GPR137B: variants seen among roughly 807,000 people sequenced by gnomAD.
GPR137B encodes the protein integral membrane protein GPR137B.
GPR137B carries 42 observed loss-of-function variants against 42.5 expected under a neutral mutation model. The observed-to-expected ratio is 0.99, with a 90% CI of 0.77 to 1.28. The LOEUF is 1.28. Ranked by LOEUF, GPR137B falls within the 50% of genes most tolerant of loss-of-function variation. GPR137B has a pLI of 0.00. For missense variants in GPR137B, 487 were observed against 493.9 expected, an observed-to-expected ratio of 0.99 and a Z score of 0.13; for synonymous variants, 218 against 209.7, an observed-to-expected ratio of 1.04 and a Z score of -0.34.
At chr1:236,201,691 G>A (rs1300264481) in intron 5 of GPR137B, among the ~76,000 whole-genome samples, 1 of 151,938 alleles carries the variant, frequency 6.6e-6, no homozygotes, top group Non-Finnish European at 1.5e-5. Flanking sequence ...ACTTAAGTTG[G>A]TTTTCACCTT....
intron 5 of GPR137B, among the ~76,000 whole-genome samples, chr1:236,191,089 G>A (rs541734076): frequency 7.9e-5 from 12 of 152,034 alleles, no homozygotes; most frequent in African/African-American, 2.7e-4. Flanking sequence ...GTATCATTAA[G>A]TTGATCTTCA....
In GPR137B at chr1:236,142,953, C is replaced by T; in HGVS notation, c.331C>T (p.Pro111Ser). 6.2e-7 allele frequency: 1 copy of T among 1,614,166 alleles called. No individual in the cohort carries two copies. The highest frequency in any genetic ancestry group is 8.5e-7 in the Non-Finnish European group (1 of 1,179,980). Residue 111 changes from proline to serine, a missense_variant, in exon 1 of 7, where the codon CCC (proline) becomes TCC (serine). Physicochemically the swap from Pro to Ser is moderately conservative, Grantham distance 74 (BLOSUM62 -1). Transcript: ENST00000366592. ...KDFVAANSLS[P>S]FVFWLLYCFP... ...CTTCGTGGCGGCCAATTCGCTCAGC[C>T]CCTTCGTCTTCTGGCTGCTCTACTG...
rs1280047011 is a variant in GPR137B at position 236,208,049 on chromosome 1, G to C, written c.1092-1G>C. 1 of 1,607,180 alleles carries C rather than the reference G, an allele frequency of 6.2e-7. No homozygotes were observed. Among genetic ancestry groups the C allele is most frequent in the Admixed American group, 1.7e-5 (1 of 59,728 alleles). On this transcript the variant is annotated splice_acceptor_variant, in intron 6 of 6. Transcript: ENST00000366592. LOFTEE classifies it high-confidence loss of function. ...CACTGAAATATTTTTTTCTTTTTAA[G>C]TTTTGCTCCAGATTACTATGATTGG... is the stretch of plus-strand genomic sequence containing the variant.
In GPR137B at chr1:236,190,148, C is replaced by CTT. The variant is rs34520510; in HGVS notation, c.966+6260_966+6261dup. Among the ~76,000 whole-genome samples the CTT allele has an allele frequency of 2.2e-4, 26 of 119,424 alleles. 1 individual carries two copies. The highest frequency in any genetic ancestry group is 7.6e-4 in the African/African-American group (24 of 31,478). The allele number at this position is 119,424 out of a possible 152,430, so 78.3% of individuals were successfully genotyped here. ...ATTAGGACTGCAACTCCTGCTTCTTCTTTTTTTTTTTTTTTTTTTGCTTTC... is the reference window on the plus strand; with the variant it reads ...ATTAGGACTGCAACTCCTGCTTCTTCTTTTTTTTTTTTTTTTTTTTTGCTTTC... On this transcript the variant is annotated intron_variant, in intron 5 of 6. Transcript: ENST00000366592.
chr1:236,202,619 T>G (rs1174445551), intron 5 of GPR137B, among the ~76,000 whole-genome samples: 1 of 152,032 alleles, frequency 6.6e-6, no homozygotes, highest in Non-Finnish European at 1.5e-5. Context: ...AGTATTTATA[T>G]GTAAATAGAA....
chr1:236,204,370 G>A (rs894294163), intron 5 of GPR137B, among the ~76,000 whole-genome samples: 23 of 152,056 alleles, frequency 1.5e-4, no homozygotes, highest in African/African-American at 5.3e-4. Context: ...ACAGTTTTAT[G>A]TGTCTTTGGT....
At chr1:236,172,243 A>T (rs986283852) in intron 2 of GPR137B, among the ~76,000 whole-genome samples, 5 of 152,194 alleles carry the variant, frequency 3.3e-5, no homozygotes, top group African/African-American at 9.7e-5. Flanking sequence ...CTTAAACCAG[A>T]TGCCACTAGA....
At position 236,147,269 on chromosome 1, in the gene GPR137B, T is replaced by C. The variant is rs139364488; in HGVS notation, c.414+4233T>C. On this transcript the variant is annotated intron_variant, in intron 1 of 6. Transcript: ENST00000366592. The stretch of plus-strand genomic sequence containing the variant: ...GGCAGCCCAGGGGAGGGGCACACTC[T>C]CTCGTGACTGCCAGCGTGTCGGCCT... Among the ~76,000 whole-genome samples, 11 of 152,326 alleles carry C rather than the reference T, an allele frequency of 7.2e-5. No homozygotes were observed. The East Asian group carries it at 2.1e-3, about 29-fold the overall frequency.
Position 236,178,542 on chromosome 1 carries a change from A to G in GPR137B, c.593A>G (p.Asn198Ser). The change falls in exon 3 of 7, where the codon AAT becomes AGT. Residue 198 changes from asparagine (N) to serine (S), a missense_variant. Transcript: ENST00000366592. ...KVIVSVRVAI[N>S]DTLFVLCAVS... Reference sequence around the variant, plus strand: ...ATCGTCTCTGTGCGAGTGGCCATTAATGACACGCTCTTCGTGCTGTGTGCC... The same window carrying G: ...ATCGTCTCTGTGCGAGTGGCCATTAGTGACACGCTCTTCGTGCTGTGTGCC... The G allele has an allele frequency of 6.2e-7, 1 of 1,613,270 alleles. No individual in the cohort carries two copies. The highest frequency in any genetic ancestry group is 8.5e-7 in the Non-Finnish European group (1 of 1,179,576).
At chr1:236,185,481 A>G (rs1178678552) in intron 5 of GPR137B, among the ~76,000 whole-genome samples, 1 of 152,212 alleles carries the variant, frequency 6.6e-6, no homozygotes, top group Admixed American at 6.5e-5. Flanking sequence ...TCTCTGGGGT[A>G]GGTTCCGGGA....
chr1:236,193,011 C>T (rs192051652), intron 5 of GPR137B, among the ~76,000 whole-genome samples: 3 of 152,082 alleles, frequency 2.0e-5, no homozygotes, highest in African/African-American at 7.2e-5. Context: ...TCCCCTGCCT[C>T]AGACTCCCAA....
Position 236,142,769 on chromosome 1 carries a change from C to T in GPR137B, c.147C>T (p.Tyr49=). 2.5e-6 allele frequency: 4 copies of T among 1,613,722 alleles called. No individual in the cohort carries two copies. The highest frequency in any genetic ancestry group is 3.4e-6 in the Non-Finnish European group (4 of 1,179,996). The change falls in exon 1 of 7, where the codon TAC becomes TAT. Residue 49 remains tyrosine (Y), a synonymous_variant. Transcript: ENST00000366592. ...PYVKLGLTVV[Y]TVFYALLFVF... is the part of the protein sequence containing the mutation. Reference sequence around the variant, plus strand: ...TGAAGCTTGGCCTCACCGTCGTCTACACCGTGTTCTACGCGCTGCTCTTCG... The same window carrying T: ...TGAAGCTTGGCCTCACCGTCGTCTATACCGTGTTCTACGCGCTGCTCTTCG...
intron 4 of GPR137B, among the ~76,000 whole-genome samples, chr1:236,181,703 C>T (rs1353075401): frequency 2.0e-5 from 3 of 152,128 alleles, no homozygotes; most frequent in Admixed American, 6.5e-5. Context: ...AAAACCACAT[C>T]TCTGAACCCA....
chr1:236,200,087 C>G (rs903840700), intron 5 of GPR137B, among the ~76,000 whole-genome samples: 15 of 151,938 alleles, frequency 9.9e-5, no homozygotes, highest in African/African-American at 3.4e-4. Context: ...AATTTAATTT[C>G]CATCTTGATT....
chr1:236,146,493 T>C (rs1251347437), intron 1 of GPR137B, among the ~76,000 whole-genome samples: 1 of 152,114 alleles, frequency 6.6e-6, no homozygotes, highest in East Asian at 1.9e-4. Flanking sequence ...GTCAGTCCTT[T>C]GTGCTTTTGC....
chr1:236,195,363 G>C (rs1663304630), intron 5 of GPR137B, among the ~76,000 whole-genome samples: 1 of 152,034 alleles, frequency 6.6e-6, no homozygotes, highest in African/African-American at 2.4e-5. Context: ...AACATGCGAT[G>C]TTTGTCTGTG....
intron 5 of GPR137B, among the ~76,000 whole-genome samples, chr1:236,195,819 C>A (rs1663316796): frequency 6.6e-6 from 1 of 152,192 alleles, no homozygotes; most frequent in Non-Finnish European, 1.5e-5. Flanking sequence ...TAATATCTCA[C>A]TGTAGTTTTG....
At chr1:236,194,051 T>A (rs1432096240) in intron 5 of GPR137B, among the ~76,000 whole-genome samples, 2 of 152,214 alleles carry the variant, frequency 1.3e-5, no homozygotes, top group Non-Finnish European at 2.9e-5. Context: ...ATTTTGAATT[T>A]TTTAATCTTT....
chr1:236,190,714 TG>T (rs756383522), intron 5 of GPR137B, among the ~76,000 whole-genome samples: 14 of 152,250 alleles, frequency 9.2e-5, no homozygotes, highest in Non-Finnish European at 1.9e-4. Context: ...CTTTGTCTGA[TG>T]GGCTTCCCTT....
Sources: gnomAD v4.1 joint callset for allele counts (sites outside exome capture counted in the v4.1 genomes callset) on GRCh38, gnomAD v4.1.1 for gene constraint, MANE v1.5 for transcripts, NCBI Gene and HGNC (gene_info 2026-07-23, HGNC 2026-07-21) for gene names.